Variants in ACAD11 observed in about 807,000 individuals in gnomAD.
The protein encoded by ACAD11 is acyl-Coenzyme A dehydrogenase family, member 11.
ACAD11 carries 83 observed loss-of-function variants against 102.2 expected under a neutral mutation model. The observed-to-expected ratio is 0.81, with a 90% confidence interval of 0.68 to 0.97. The LOEUF (loss-of-function observed/expected upper bound fraction) is 0.97, where lower values mean the gene tolerates loss of function less well. ACAD11 is among the 50% of genes least tolerant of loss of function. ACAD11 has a pLI of 0.00. For synonymous variants in ACAD11, 324 were observed against 319.8 expected (o/e 1.01, Z -0.14); for missense variants, 901 against 951.7 (o/e 0.95, Z 0.70).
In ACAD11 at chr3:132,583,266, C is replaced by T. The variant is rs149522912; in HGVS notation, c.1622-3708G>A. 2.0e-3 allele frequency among the ~76,000 whole-genome samples: 298 copies of T among 152,068 alleles called. 12 individuals are homozygous for T. In the East Asian group the frequency reaches 0.052, roughly 26 times the overall value. On this transcript the variant is annotated intron_variant, in intron 13 of 19. Transcript: ENST00000264990. ...CTATTCAGAGATTCAACTTCTTCCTCGTTTAGTCTTGGGAGGGTGTATGCG... is the reference window on the plus strand; with the variant it reads ...CTATTCAGAGATTCAACTTCTTCCTTGTTTAGTCTTGGGAGGGTGTATGCG...
intron 10 of ACAD11, 138 bp from the exon 11 acceptor site, chr3:132,618,910 C>T: frequency 1.2e-6 from 1 of 822,896 alleles, no homozygotes; most frequent in Non-Finnish European, 1.7e-6. Context: ...ACTGTATTCT[C>T]CAGTGAGCAA....
chr3:132,656,686 G>T lies in ACAD11; in HGVS notation c.149+2917C>A, dbSNP rs183890203. On this transcript the variant is annotated intron_variant, in intron 1 of 19. Transcript: ENST00000264990. ...ATTTCGTATTTTTAGTAGAGACGGG[G>T]TTTCACCATGTTGGCCAGGCTGGTC... 5.3e-4 allele frequency among the ~76,000 whole-genome samples: 80 copies of T among 152,102 alleles called. No homozygotes were observed. The East Asian group carries it at 9.7e-3, about 18-fold the overall frequency.
rs374672178 is a variant in ACAD11 at position 132,559,884 on chromosome 3, A to G, written c.2177T>C (p.Ile726Thr). ...AACACCAGCACCTCCGCACACCTGG[A>G]TGGCCCAGTCAACGATTTTGCTGAC... ...RAVSKIVDWAIQVCGGAGVSQ... is the reference protein window; with the variant it reads ...RAVSKIVDWATQVCGGAGVSQ... Residue 726 changes from isoleucine (I) to threonine (T), a missense_variant, in exon 19 of 20, where the codon ATC (isoleucine) becomes ACC (threonine). Physicochemically the swap from Ile to Thr is moderately conservative, Grantham distance 89 (BLOSUM62 -1). Transcript: ENST00000264990. 4 of 1,613,616 alleles carry G rather than the reference A, an allele frequency of 2.5e-6. No homozygotes were observed. Among genetic ancestry groups the G allele is most frequent in the African/African-American group, 1.3e-5 (1 of 74,928 alleles).
At chr3:132,600,462 A>AT in intron 13 of ACAD11, 1 of 1,613,340 alleles carries the variant, frequency 6.2e-7, no homozygotes, top group Non-Finnish European at 8.5e-7. Context: ...AATGGCACTT[A>AT]TGACTACAGT....
intron 13 of ACAD11, among the ~76,000 whole-genome samples, chr3:132,583,484 T>C (rs1324688092): frequency 2.6e-5 from 4 of 152,186 alleles, no homozygotes; most frequent in African/African-American, 9.6e-5. Context: ...ATTTTGTTGA[T>C]CTTTTCAAAA....
chr3:132,633,108 A>G (rs1559969018), intron 5 of ACAD11, among the ~76,000 whole-genome samples: 1 of 152,296 alleles, frequency 6.6e-6, no homozygotes, highest in East Asian at 1.9e-4. Flanking sequence ...TTCCAACACT[A>G]TGTTGAATAG....
At chr3:132,636,538 C>T (rs1402497902) in intron 5 of ACAD11, among the ~76,000 whole-genome samples, 1 of 151,954 alleles carries the variant, frequency 6.6e-6, no homozygotes, top group Non-Finnish European at 1.5e-5. Flanking sequence ...AAAGATGAAG[C>T]TAGGAGTAAG....
chr3:132,575,336 C>G (rs1034420887), intron 17 of ACAD11, among the ~76,000 whole-genome samples: 1 of 152,142 alleles, frequency 6.6e-6, no homozygotes, highest in Non-Finnish European at 1.5e-5. Context: ...AAGCTGATTC[C>G]ACTTTTAGGT....
chr3:132,647,196 T>A (rs1000034535), intron 1 of ACAD11: 4 of 152,178 alleles, frequency 2.6e-5, no homozygotes, highest in African/African-American at 7.2e-5. Context: ...CCCATTTGCA[T>A]GGGAGGATCA....
In ACAD11 at chr3:132,627,762, T is replaced by C. The variant is rs192950013; in HGVS notation, c.1070+578A>G. On this transcript the variant is annotated intron_variant, in intron 8 of 19. Coordinates refer to ENST00000264990, the MANE Select transcript of ACAD11 (RefSeq NM_032169.5). ...TGTAGAGAGAACAAATACCCATCTA[T>C]AAGATAAATTGGAAAAAAGCAATTG... Among the ~76,000 whole-genome samples the C allele has an allele frequency of 1.2e-4, 19 of 152,288 alleles. No individual in the cohort carries two copies. The East Asian group carries it at 3.3e-3, about 26-fold the overall frequency.
chr3:132,572,911 CCTTT>C (rs1937422970), intron 17 of ACAD11, among the ~76,000 whole-genome samples: 1 of 152,074 alleles, frequency 6.6e-6, no homozygotes, highest in Admixed American at 6.6e-5. Flanking sequence ...CTTTTATTTT[CCTTT>C]CTTTTCTTCT....
intron 1 of ACAD11, among the ~76,000 whole-genome samples, chr3:132,655,303 GT>G (rs967128728): frequency 2.3e-4 from 35 of 151,990 alleles, no homozygotes; most frequent in African/African-American, 8.2e-4. Context: ...CAGAGATTCT[GT>G]TTTTTTTGTT....
At chr3:132,641,698 GGAAGAAGAAGAA>G (rs199597510) in intron 4 of ACAD11, among the ~76,000 whole-genome samples, 21 of 116,696 alleles carry the variant, frequency 1.8e-4, no homozygotes, top group South Asian at 5.7e-4. Flanking sequence ...AAGAGGAAGA[GGAAGAAGAAGAA>G]GAAGAAGAAG....
rs145836933 is a variant in ACAD11, at chr3:132,600,737, A to G, written c.1621+2492T>C. ...GGTTTTAGGGAAAATAATGTGCAAA[A>G]TAACTTCAGCCTTGTACACACTAAA... On this transcript the variant is annotated intron_variant, in intron 13 of 19. Transcript: ENST00000264990. 1.9e-5 allele frequency: 31 copies of G among 1,613,972 alleles called. No individual in the cohort carries two copies. In the African/African-American group the frequency reaches 2.4e-4, roughly 12 times the overall value.
chr3:132,590,115 G>T (rs1260695105), intron 13 of ACAD11, among the ~76,000 whole-genome samples: 1 of 152,154 alleles, frequency 6.6e-6, no homozygotes, highest in African/African-American at 2.4e-5. Flanking sequence ...TCATTGATGG[G>T]CATTTAGGTT....
chr3:132,635,124 T>C (rs1940227697), intron 5 of ACAD11, among the ~76,000 whole-genome samples: 1 of 151,498 alleles, frequency 6.6e-6, no homozygotes, highest in Non-Finnish European at 1.5e-5. Context: ...TATAAATGAA[T>C]ACTCAAAGTT....
chr3:132,628,552 A>T, intron 7 of ACAD11, 106 bp from the exon 8 acceptor site: 1 of 724,342 alleles, frequency 1.4e-6, no homozygotes, highest in Non-Finnish European at 2.2e-6. Context: ...CTCACAGGGT[A>T]TGAAGACGTA....
At chr3:132,616,570 C>A (rs938362466) in intron 11 of ACAD11, among the ~76,000 whole-genome samples, 3 of 152,142 alleles carry the variant, frequency 2.0e-5, no homozygotes, top group Non-Finnish European at 2.9e-5. Flanking sequence ...ACTTTTGTTT[C>A]AATAATATCC....
Position 132,579,156 on chromosome 3 carries a change from T to C in ACAD11, c.1689-275A>G, listed in dbSNP as rs959098937. 1.2e-5 allele frequency: 13 copies of C among 1,065,764 alleles called. No individual in the cohort carries two copies. The Middle Eastern group carries it at 8.6e-4, about 71-fold the overall frequency. The allele number at this position is 1,065,764 out of a possible 1,614,324, so 66.0% of individuals were successfully genotyped here. ...GGGAACTTATATATATAATTAAACA[T>C]TTCAAGATTATTGCCTTTGATCTAA... On this transcript the variant is annotated intron_variant, in intron 14 of 19. Transcript: ENST00000264990.
Sources: gnomAD v4.1 joint callset for allele counts (sites outside exome capture counted in the v4.1 genomes callset) on GRCh38, gnomAD v4.1.1 for gene constraint, MANE v1.5 for transcripts, NCBI Gene and HGNC (gene_info 2026-07-23, HGNC 2026-07-21) for gene names.